Variants in AGMO observed in about 807,000 individuals in gnomAD.
AGMO encodes alkylglycerol monooxygenase.
A neutral mutation model predicts 60.2 loss-of-function variants in AGMO; 75 were observed. The observed-to-expected ratio is 1.25, with a 90% confidence interval of 1.03 to 1.51. The LOEUF is 1.51. Among genes scored for constraint, AGMO ranks in the 40% most tolerant of loss-of-function variants. The probability of loss-of-function intolerance (pLI) is 0.00; values close to 1 mark genes in which losing one functional copy is unlikely to be tolerated. For synonymous variants in AGMO, 261 were observed against 177.1 expected (o/e 1.47, Z -3.76); for missense variants, 763 against 525.5 (o/e 1.45, Z -4.42).
the AGMO span, among the ~76,000 whole-genome samples, chr7:15,157,036 T>C: frequency 6.6e-6 from 1 of 152,242 alleles, no homozygotes; most frequent in African/African-American, 2.4e-5. Context: ...CACCGTAGTT[T>C]ATTGCAGATT....
chr7:15,233,491 G>C (rs113169977), intron 12 of AGMO, among the ~76,000 whole-genome samples: 142 of 152,144 alleles, frequency 9.3e-4, no homozygotes, highest in African/African-American at 3.0e-3. Context: ...AGAGTAGAGG[G>C]TACCAGGGAA....
At chr7:15,365,380 T>TTAAAAAAAAAAAAAAA (rs1311387207) in intron 12 of AGMO, 134 bp downstream of exon 12, 8 of 223,986 alleles carry the variant, frequency 3.6e-5, no homozygotes, top group African/African-American at 2.3e-4. Flanking sequence ...TACTGGTAAG[T>TTAAAAAAAAAAAAAAA]AAAAAAAAAA....
chr7:15,206,505 G>A (rs1301300600), intron 12 of AGMO, among the ~76,000 whole-genome samples: 1 of 151,948 alleles, frequency 6.6e-6, no homozygotes, highest in Non-Finnish European at 1.5e-5. Flanking sequence ...TTAATATGAG[G>A]CCTTTTAAGG....
At chr7:15,218,420 G>T (rs144942431) in intron 12 of AGMO, among the ~76,000 whole-genome samples, 236 of 150,310 alleles carry the variant, frequency 1.6e-3, no homozygotes, top group African/African-American at 5.1e-3. Flanking sequence ...TTTTAATGAT[G>T]ACTCTTTCAA....
At chr7:15,203,437 T>C (rs563909437) in intron 12 of AGMO, among the ~76,000 whole-genome samples, 2 of 152,280 alleles carry the variant, frequency 1.3e-5, no homozygotes, top group South Asian at 4.1e-4. Flanking sequence ...TCTGAAATGC[T>C]TTCAAATTCC....
intron 12 of AGMO, among the ~76,000 whole-genome samples, chr7:15,345,187 C>A (rs922252969): frequency 1.3e-5 from 2 of 152,200 alleles, no homozygotes; most frequent in African/African-American, 4.8e-5. Context: ...GAACAAAATC[C>A]CAAGCTCAAG....
At chr7:15,228,069 A>C (rs975226127) in intron 12 of AGMO, among the ~76,000 whole-genome samples, 3 of 151,818 alleles carry the variant, frequency 2.0e-5, no homozygotes, top group Admixed American at 1.3e-4. Context: ...ATGCATATAA[A>C]CTCTGCTTAT....
chr7:15,335,765 C>T (rs1414215290), intron 12 of AGMO, among the ~76,000 whole-genome samples: 5 of 152,146 alleles, frequency 3.3e-5, no homozygotes, highest in Admixed American at 1.3e-4. Flanking sequence ...TTAGATAACA[C>T]GGTAGCAATG....
chr7:15,258,306 T>A (rs74378960), intron 12 of AGMO, among the ~76,000 whole-genome samples: 8 of 152,036 alleles, frequency 5.3e-5, no homozygotes, highest in African/African-American at 1.9e-4. Context: ...TACTTTTCTT[T>A]TTTTGGGGGG....
chr7:15,461,914 A>G (rs974829168), intron 3 of AGMO, among the ~76,000 whole-genome samples: 1 of 152,166 alleles, frequency 6.6e-6, no homozygotes, highest in Non-Finnish European at 1.5e-5. Flanking sequence ...TATTACAAAC[A>G]TTAAAATAAA....
chr7:15,336,122 G>A (rs1483287586), intron 12 of AGMO, among the ~76,000 whole-genome samples: 1 of 151,928 alleles, frequency 6.6e-6, no homozygotes, highest in African/African-American at 2.4e-5. Context: ...TTAAATTCTT[G>A]CATTCACCTG....
intron 12 of AGMO, among the ~76,000 whole-genome samples, chr7:15,343,693 T>C (rs764295501): frequency 6.6e-6 from 1 of 152,146 alleles, no homozygotes; most frequent in Non-Finnish European, 1.5e-5. Context: ...GACATGAGCT[T>C]TGTGGTTTCA....
chr7:15,333,770 G>C (rs2128545533), intron 12 of AGMO, among the ~76,000 whole-genome samples: 1 of 152,108 alleles, frequency 6.6e-6, no homozygotes, highest in South Asian at 2.1e-4. Flanking sequence ...CACAATCAGT[G>C]ATTCCCAACA....
At chr7:15,456,774 C>A (rs1177420436) in intron 3 of AGMO, among the ~76,000 whole-genome samples, 2 of 152,106 alleles carry the variant, frequency 1.3e-5, no homozygotes, top group Non-Finnish European at 2.9e-5. Flanking sequence ...CATCTTTCAC[C>A]TTGGCTCTGT....
intron 10 of AGMO, among the ~76,000 whole-genome samples, chr7:15,368,981 C>G (rs1051056744): frequency 1.3e-5 from 2 of 152,110 alleles, no homozygotes; most frequent in African/African-American, 4.8e-5. Context: ...AGCTCCTCCT[C>G]TACAACATAT....
At chr7:15,209,109 T>C (rs1486391479) in intron 12 of AGMO, among the ~76,000 whole-genome samples, 1 of 152,206 alleles carries the variant, frequency 6.6e-6, no homozygotes, top group African/African-American at 2.4e-5. Flanking sequence ...GTGTCGCCCA[T>C]TTCCTCCCCA....
At chr7:15,152,600 C>G in the AGMO span, among the ~76,000 whole-genome samples, 2 of 152,074 alleles carry the variant, frequency 1.3e-5, no homozygotes, top group African/African-American at 4.8e-5. Flanking sequence ...TGATGTTTGA[C>G]TTTTCATTCC....
the AGMO span, among the ~76,000 whole-genome samples, chr7:15,118,831 T>C: frequency 6.8e-6 from 1 of 147,998 alleles, no homozygotes; most frequent in African/African-American, 2.4e-5. Context: ...TCCAGTTCTC[T>C]CACCCCAGAT....
chr7:15,301,755 C>T (rs2128526424), intron 12 of AGMO, among the ~76,000 whole-genome samples: 1 of 152,068 alleles, frequency 6.6e-6, no homozygotes, highest in Middle Eastern at 3.4e-3. Flanking sequence ...AACAGTGAAA[C>T]CAATCTGAAT....
Sources: allele counts gnomAD v4.1 joint callset (sites outside exome capture counted in the v4.1 genomes callset), GRCh38; gene constraint gnomAD v4.1.1; transcripts MANE v1.5; gene names NCBI Gene and HGNC (gene_info 2026-07-23, HGNC 2026-07-21).